Variants in ABCB1 observed in about 807,000 individuals in gnomAD.
ABCB1 encodes ATP-dependent translocase ABCB1.
A neutral mutation model predicts 142.0 loss-of-function variants in ABCB1; 69 were observed. The ratio of observed to expected loss-of-function variants is 0.49; its 90% CI spans 0.40 to 0.59. The LOEUF is 0.59. Among genes scored for constraint, ABCB1 ranks in the 20% least tolerant of loss-of-function variants. The pLI is 0.00. For synonymous variants in ABCB1, 532 were observed against 539.2 expected (o/e 0.99, Z 0.18); for missense variants, 1,326 against 1,554.7 (o/e 0.85, Z 2.47).
chr7:87,520,902 A>G (rs1815476194), intron 21 of ABCB1, 26 bp from the exon 22 acceptor site: 1 of 1,531,804 alleles, frequency 6.5e-7, no homozygotes. Context: ...CCGATCACCA[A>G]GAGGCACAAG....
intron 21 of ABCB1, among the ~76,000 whole-genome samples, chr7:87,526,559 A>G (rs1048397326): frequency 6.6e-6 from 1 of 151,954 alleles, no homozygotes. Context: ...TAACCCCCTC[A>G]TCTAAAGGCT....
intron 1 of ABCB1, among the ~76,000 whole-genome samples, chr7:87,628,127 G>T (rs1237448750): frequency 6.6e-6 from 1 of 152,202 alleles, no homozygotes; most frequent in Non-Finnish European, 1.5e-5. Flanking sequence ...AGGCAAGGGG[G>T]GGGCAATAGG....
At chr7:87,693,852 A>G in intron 1 of ABCB1, 1 of 1,570,010 alleles carries the variant, frequency 6.4e-7, no homozygotes, top group Admixed American at 1.7e-5. Flanking sequence ...AACTGTAAAC[A>G]TGATGGCAGG....
chr7:87,562,935 C>T (rs1429835892), intron 7 of ABCB1, among the ~76,000 whole-genome samples: 12 of 151,960 alleles, frequency 7.9e-5, no homozygotes, highest in Non-Finnish European at 1.2e-4. Context: ...CCCATCTCTA[C>T]AAAAAAATTA....
chr7:87,505,883 A>T lies in ABCB1; in HGVS notation c.3636+14T>A. The T allele has an allele frequency of 6.2e-7, 1 of 1,614,096 alleles. No homozygotes were observed. The highest frequency in any genetic ancestry group is 8.5e-7 in the Non-Finnish European group (1 of 1,179,962). On this transcript the variant is annotated intron_variant, in intron 27 of 27. Coordinates refer to ENST00000622132, the MANE Select transcript of ABCB1 (RefSeq NM_001348946.2). ...ACTGATTCAAGTATGGATGAACCCA[A>T]TTTAAATTCTTACCTTTTCACTTTC...
chr7:87,653,113 C>T (rs1324660490), intron 1 of ABCB1, among the ~76,000 whole-genome samples: 2 of 151,942 alleles, frequency 1.3e-5, no homozygotes, highest in Admixed American at 1.3e-4. Context: ...ATATTATTTG[C>T]AGTAATCTCT....
chr7:87,553,643 C>T (rs1817185094), intron 9 of ABCB1, 118 bp downstream of exon 9: 5 of 1,111,224 alleles, frequency 4.5e-6, no homozygotes, highest in African/African-American at 1.6e-5. Context: ...CCTAGTAGTG[C>T]ATATGTCTGT....
chr7:87,518,853 G>A (rs1369455764), intron 23 of ABCB1: 2 of 159,774 alleles, frequency 1.3e-5, no homozygotes, highest in African/African-American at 4.8e-5. Context: ...CTTTTCCTTT[G>A]TCATTTCTGA....
intron 1 of ABCB1, among the ~76,000 whole-genome samples, chr7:87,644,238 G>T (rs1418860532): frequency 2.0e-5 from 3 of 152,196 alleles, no homozygotes; most frequent in African/African-American, 7.2e-5. Context: ...CCAGTGAACA[G>T]ATATCTCTGG....
At chr7:87,631,671 G>C (rs576948872) in intron 1 of ABCB1, among the ~76,000 whole-genome samples, 14 of 152,344 alleles carry the variant, frequency 9.2e-5, no homozygotes, top group African/African-American at 3.1e-4. Context: ...GGGATTACAG[G>C]CGTGAGCCAC....
chr7:87,627,025 C>T (rs1820704904), intron 1 of ABCB1, among the ~76,000 whole-genome samples: 1 of 152,180 alleles, frequency 6.6e-6, no homozygotes, highest in South Asian at 2.1e-4. Flanking sequence ...CCGCCCGCCT[C>T]AGCCTCCCAA....
chr7:87,696,350 T>A (rs1266043024), intron 1 of ABCB1, among the ~76,000 whole-genome samples: 1 of 152,204 alleles, frequency 6.6e-6, no homozygotes, highest in Non-Finnish European at 1.5e-5. Context: ...GAGTAGCTTG[T>A]AACTTTGTTT....
At chr7:87,555,929 G>A (rs181387186) in intron 8 of ABCB1, among the ~76,000 whole-genome samples, 27 of 152,270 alleles carry the variant, frequency 1.8e-4, no homozygotes, top group Non-Finnish European at 3.5e-4. Flanking sequence ...GTCCTATGCA[G>A]CCAGAGGAAA....
At chr7:87,658,089 C>A (rs1824302222) in intron 1 of ABCB1, among the ~76,000 whole-genome samples, 1 of 152,090 alleles carries the variant, frequency 6.6e-6, no homozygotes, top group Non-Finnish European at 1.5e-5. Context: ...ACTGAGATGA[C>A]AGAGGTGTTA....
intron 1 of ABCB1, among the ~76,000 whole-genome samples, chr7:87,652,768 C>T (rs1823714437): frequency 1.3e-5 from 2 of 151,360 alleles, no homozygotes; most frequent in South Asian, 4.2e-4. Flanking sequence ...ATTGCTTTTA[C>T]TTTTGGAGAA....
chr7:87,680,638 C>T (rs1378608960), intron 1 of ABCB1, among the ~76,000 whole-genome samples: 1 of 149,754 alleles, frequency 6.7e-6, no homozygotes, highest in East Asian at 2.0e-4. Context: ...ACCAAAAATA[C>T]AAAAAATTAG....
chr7:87,594,800 T>A (rs577796540), intron 3 of ABCB1, among the ~76,000 whole-genome samples: 6 of 152,298 alleles, frequency 3.9e-5, no homozygotes, highest in African/African-American at 1.4e-4. Flanking sequence ...AAAAGTCACA[T>A]GACTGTTTTT....
intron 26 of ABCB1, among the ~76,000 whole-genome samples, chr7:87,507,354 A>G (rs765484334): frequency 6.6e-6 from 1 of 152,182 alleles, no homozygotes; most frequent in Admixed American, 6.5e-5. Flanking sequence ...TGGTTCCCCA[A>G]TTTGAGCCTG....
intron 23 of ABCB1, among the ~76,000 whole-genome samples, chr7:87,517,077 T>G (rs1563030340): frequency 6.6e-6 from 1 of 152,178 alleles, no homozygotes; most frequent in East Asian, 1.9e-4. Context: ...TTGCCTCTAA[T>G]AGTTATAAAA....
Sources: allele counts gnomAD v4.1 joint callset (sites outside exome capture counted in the v4.1 genomes callset), GRCh38; gene constraint gnomAD v4.1.1; transcripts MANE v1.5; gene names NCBI Gene and HGNC (gene_info 2026-07-23, HGNC 2026-07-21).